Variants in CEP70 observed in about 807,000 individuals in gnomAD.
CEP70 encodes centrosomal protein 70, also known as centrosomal protein of 70 kDa.
In CEP70, 70 loss-of-function variants were observed where a neutral mutation model predicts 90.9. That is an observed-to-expected ratio of 0.77 (90% CI 0.64 to 0.94). CEP70 has a LOEUF of 0.94. CEP70 is among the 40% of genes least tolerant of loss of function. CEP70 has a pLI of 0.00. For synonymous variants in CEP70, 220 were observed against 228.3 expected (o/e 0.96, Z 0.33); for missense variants, 648 against 669.0 (o/e 0.97, Z 0.35).
chr3:138,574,855 G>A (rs998841778), intron 2 of CEP70, among the ~76,000 whole-genome samples: 8 of 152,120 alleles, frequency 5.3e-5, no homozygotes, highest in African/African-American at 9.7e-5. Context: ...TGCAGCTGAG[G>A]GACCTAACTG....
intron 6 of CEP70, among the ~76,000 whole-genome samples, chr3:138,544,631 C>T (rs2039046706): frequency 6.6e-6 from 1 of 151,970 alleles, no homozygotes. Flanking sequence ...GCACTATTCA[C>T]AACAGCCAAA....
intron 16 of CEP70, among the ~76,000 whole-genome samples, 172 bp from the exon 17 acceptor site, chr3:138,498,282 T>C (rs1423954169): frequency 6.6e-6 from 1 of 152,094 alleles, no homozygotes; most frequent in African/African-American, 2.4e-5. Context: ...ATATCACTTT[T>C]CTTAAAAAAG....
At chr3:138,548,248 C>G (rs1161123970) in intron 6 of CEP70, among the ~76,000 whole-genome samples, 4 of 152,098 alleles carry the variant, frequency 2.6e-5, no homozygotes, top group African/African-American at 7.2e-5. Context: ...TAATACACCG[C>G]ATTAGCACAA....
chr3:138,517,439 G>A (rs1413817559), intron 11 of CEP70, among the ~76,000 whole-genome samples: 1 of 147,906 alleles, frequency 6.8e-6, no homozygotes, highest in Admixed American at 6.7e-5. Flanking sequence ...GGAGGCAGAG[G>A]CGGGTGGATC....
intron 2 of CEP70, among the ~76,000 whole-genome samples, chr3:138,581,521 T>C (rs1247870683): frequency 6.6e-6 from 1 of 150,994 alleles, no homozygotes; most frequent in Non-Finnish European, 1.5e-5. Context: ...CTGGCCAACG[T>C]GGTGAAACCC....
chr3:138,546,738 G>A lies in CEP70; in HGVS notation c.466-9391C>T, dbSNP rs138158316. ...CATTCCAGCCTGAGTGACAAAGCGA[G>A]TCTCCATCTCAAAACAAATCAACAA... On this transcript the variant is annotated intron_variant, in intron 6 of 17. Transcript: ENST00000264982. Among the ~76,000 whole-genome samples the A allele has an allele frequency of 1.5e-3, 221 of 151,866 alleles. 8 individuals carry two copies. The East Asian group carries it at 0.038, about 26-fold the overall frequency.
chr3:138,571,156 A>C lies in CEP70; in HGVS notation c.162T>G (p.Asp54Glu). 6.3e-7 allele frequency: 1 copy of C among 1,586,696 alleles called. No individual in the cohort carries two copies. Among genetic ancestry groups the C allele is most frequent in the Non-Finnish European group, 8.6e-7 (1 of 1,165,462 alleles). ...LSLVKRTDLK[D>E]LIIFDKQSSQ... ...ATGACTGTTTGTCAAAAATGATGAG[A>C]TCTACATTTAAAAAGTATATAATAC... The change falls in exon 5 of 18, where the codon GAT becomes GAG. Residue 54 changes from aspartate (D) to glutamate (E), a missense_variant and splice_region_variant. Coordinates refer to ENST00000264982, the MANE Select transcript of CEP70 (RefSeq NM_024491.4).
chr3:138,508,022 A>G (rs1032079389), intron 12 of CEP70, among the ~76,000 whole-genome samples: 5 of 152,174 alleles, frequency 3.3e-5, no homozygotes, highest in African/African-American at 1.2e-4. Context: ...GATTCCCTAT[A>G]TCACACCATA....
chr3:138,497,979 T>A lies in CEP70; in HGVS notation c.1732+52A>T, dbSNP rs143317911. The A allele has an allele frequency of 6.8e-6, 11 of 1,606,176 alleles. No homozygotes were observed. The East Asian group carries it at 1.8e-4, about 26-fold the overall frequency. On this transcript the variant is annotated intron_variant, in intron 17 of 17. Transcript: ENST00000264982. ...GACCAAGGAACACCCTTTTCTTAAATGCACTGACATTTTAAGACTCAAAAT... is the reference window on the plus strand; with the variant it reads ...GACCAAGGAACACCCTTTTCTTAAAAGCACTGACATTTTAAGACTCAAAAT...
At chr3:138,495,445 C>G (rs897109923) in intron 17 of CEP70, among the ~76,000 whole-genome samples, 2 of 152,156 alleles carry the variant, frequency 1.3e-5, no homozygotes, top group Non-Finnish European at 2.9e-5. Context: ...CAGGTAGAGG[C>G]GTCTCCTCCC....
chr3:138,542,728 C>T (rs559788901), intron 6 of CEP70, among the ~76,000 whole-genome samples: 14 of 152,342 alleles, frequency 9.2e-5, no homozygotes, highest in Non-Finnish European at 1.5e-4. Context: ...CCCGGCGAGT[C>T]GGCCAGGAAC....
At chr3:138,568,134 C>T (rs916934012) in intron 6 of CEP70, among the ~76,000 whole-genome samples, 4 of 152,102 alleles carry the variant, frequency 2.6e-5, no homozygotes, top group Non-Finnish European at 5.9e-5. Flanking sequence ...ATTTGCCTTT[C>T]CCCTTCTATG....
intron 11 of CEP70, among the ~76,000 whole-genome samples, chr3:138,510,065 C>G (rs1007378223): frequency 6.6e-6 from 1 of 152,038 alleles, no homozygotes; most frequent in South Asian, 2.1e-4. Context: ...ACAGTGAGAA[C>G]GAATATTCTA....
At chr3:138,510,516 A>T (rs2035428860) in intron 11 of CEP70, among the ~76,000 whole-genome samples, 1 of 152,126 alleles carries the variant, frequency 6.6e-6, no homozygotes, top group African/African-American at 2.4e-5. Flanking sequence ...TTTAGCACAT[A>T]AAAAAATGAG....
intron 2 of CEP70, among the ~76,000 whole-genome samples, chr3:138,586,011 A>G (rs2042088357): frequency 6.6e-6 from 1 of 152,222 alleles, no homozygotes; most frequent in Non-Finnish European, 1.5e-5. Context: ...CAGGCAACCA[A>G]AGCAAAAATA....
At chr3:138,590,719 G>A (rs1283075521) in intron 2 of CEP70, among the ~76,000 whole-genome samples, 1 of 151,956 alleles carries the variant, frequency 6.6e-6, no homozygotes, top group East Asian at 1.9e-4. Context: ...GCTGAGGCAG[G>A]AGAATCACTT....
intron 11 of CEP70, among the ~76,000 whole-genome samples, chr3:138,522,656 C>G (rs2036787273): frequency 6.6e-6 from 1 of 152,136 alleles, no homozygotes; most frequent in African/African-American, 2.4e-5. Flanking sequence ...CACATACACC[C>G]TCCCAAGACT....
intron 2 of CEP70, 108 bp downstream of exon 2, chr3:138,591,746 G>T: frequency 1.1e-6 from 1 of 910,154 alleles, no homozygotes; most frequent in South Asian, 1.5e-5. Context: ...GGATTATCAG[G>T]AAGTCAAAAG....
At chr3:138,522,044 G>A (rs879914084) in intron 11 of CEP70, among the ~76,000 whole-genome samples, 26 of 152,098 alleles carry the variant, frequency 1.7e-4, no homozygotes, top group African/African-American at 4.1e-4. Flanking sequence ...GATTAAGGGC[G>A]GTGCAAGATG....
Sources: allele counts gnomAD v4.1 joint callset (sites outside exome capture counted in the v4.1 genomes callset), GRCh38; gene constraint gnomAD v4.1.1; transcripts MANE v1.5; gene names NCBI Gene and HGNC (gene_info 2026-07-23, HGNC 2026-07-21).